RFX8: variants seen among roughly 807,000 people sequenced by gnomAD.
The protein encoded by RFX8 is DNA-binding protein RFX8.
Under a neutral mutation model 54.6 loss-of-function variants are expected in RFX8, and 46 were observed. The ratio of observed to expected loss-of-function variants is 0.84; its 90% CI spans 0.67 to 1.08. The LOEUF is 1.08. RFX8 is among the 50% of genes least tolerant of loss of function. The pLI, the probability that RFX8 is intolerant of heterozygous loss-of-function variation, is 0.00. For missense variants in RFX8, 536 were observed against 562.3 expected (o/e 0.95, Z 0.47); for synonymous variants, 192 against 209.5 (o/e 0.92, Z 0.72).
At chr2:101,459,854 G>C (rs1689171802) in intron 2 of RFX8, among the ~76,000 whole-genome samples, 1 of 152,228 alleles carries the variant, frequency 6.6e-6, no homozygotes, top group South Asian at 2.1e-4. Context: ...GGAGTCCATA[G>C]AGGCAGTAGG....
chr2:101,426,542 A>T (rs779003543), intron 2 of RFX8, among the ~76,000 whole-genome samples: 1 of 152,164 alleles, frequency 6.6e-6, no homozygotes, highest in Non-Finnish European at 1.5e-5. Context: ...AAATAAATAA[A>T]TACTGCATAA....
intron 9 of RFX8, among the ~76,000 whole-genome samples, chr2:101,406,855 A>G (rs1444350571): frequency 6.6e-6 from 1 of 152,188 alleles, no homozygotes; most frequent in African/African-American, 2.4e-5. Flanking sequence ...GCTGGTCGTC[A>G]TGCTTGCTGT....
Position 101,417,628 on chromosome 2 carries a change from C to T in RFX8, c.408G>A (p.Leu136=), listed in dbSNP as rs1187034051. The T allele has an allele frequency of 1.3e-6, 2 of 1,551,158 alleles. No homozygotes were observed. The highest frequency in any genetic ancestry group is 2.7e-5 in the African/African-American group (2 of 73,036). ...TCTTACTAAATAACTGCACAGATTT[C>T]AGGTACTGAATAGAAACATCTTCCA... ...DFLEDVSIQY[L]KSVQLFSKKF... The change falls in exon 6 of 12, where the codon CTG becomes CTA. Residue 136 remains leucine (L), a synonymous_variant. Coordinates refer to ENST00000428343, the MANE Select transcript of RFX8 (RefSeq NM_001145664.2).
intron 2 of RFX8, among the ~76,000 whole-genome samples, chr2:101,437,970 T>C (rs1687876058): frequency 6.6e-6 from 1 of 152,218 alleles, no homozygotes; most frequent in African/African-American, 2.4e-5. Flanking sequence ...CTTTTTGGGA[T>C]TGGAGTTTTT....
At chr2:101,442,853 C>T (rs1361330514) in intron 2 of RFX8, among the ~76,000 whole-genome samples, 3 of 152,042 alleles carry the variant, frequency 2.0e-5, no homozygotes, top group Non-Finnish European at 2.9e-5. Flanking sequence ...CCTACTGATG[C>T]TCCTGGCGGC....
chr2:101,462,727 T>C (rs1030175946), intron 2 of RFX8, among the ~76,000 whole-genome samples: 3 of 152,184 alleles, frequency 2.0e-5, no homozygotes, highest in Non-Finnish European at 4.4e-5. Flanking sequence ...AACAAGATGG[T>C]TATCTTACCC....
chr2:101,428,618 G>C (rs970246102), intron 2 of RFX8, among the ~76,000 whole-genome samples: 3 of 152,162 alleles, frequency 2.0e-5, no homozygotes, highest in Non-Finnish European at 4.4e-5. Flanking sequence ...CATAGTTCTG[G>C]TGTCCTAATT....
chr2:101,407,831 A>G lies in RFX8; in HGVS notation c.814-1774T>C, dbSNP rs181434221. On this transcript the variant is annotated intron_variant, in intron 9 of 11. Transcript: ENST00000428343. ...TGAGCTTTCTTCCCGTCACGTCCAC[A>G]GTGTGGCACTTCATGTCCCCCAACG... 9.7e-3 allele frequency among the ~76,000 whole-genome samples: 1,483 copies of G among 152,318 alleles called. 26 individuals carry two copies. The highest frequency in any genetic ancestry group is 0.033 in the African/African-American group (1,392 of 41,566).
intron 2 of RFX8, 94 bp downstream of exon 2, chr2:101,466,683 A>G (rs1248504742): frequency 4.4e-6 from 4 of 913,696 alleles, no homozygotes; most frequent in African/African-American, 3.3e-5. Context: ...CTGAAAATCC[A>G]TTAGACTCAA....
In RFX8 at chr2:101,402,478, G is replaced by A. The variant is rs370970266; in HGVS notation, c.1203C>T (p.Leu401=). ...RYPVGVSNMV[L]RILGFLVDTA... ...TGTCCACCAGGAAGCCCAGGATCCTGAGGACCATGTTGCTCACACCCACGG... is the reference window on the plus strand; with the variant it reads ...TGTCCACCAGGAAGCCCAGGATCCTAAGGACCATGTTGCTCACACCCACGG... The change falls in exon 11 of 12, where the codon CTC becomes CTT. Residue 401 remains leucine, a synonymous_variant. Transcript: ENST00000428343. 1.3e-6 allele frequency: 2 copies of A among 1,551,362 alleles called. No homozygotes were observed. Among genetic ancestry groups the A allele is most frequent in the African/African-American group, 2.7e-5 (2 of 73,044 alleles).
At chr2:101,460,365 C>T (rs11123885) in intron 2 of RFX8, among the ~76,000 whole-genome samples, 45,506 of 151,996 alleles carry the variant, frequency 0.3, 7,214 homozygotes, top group Middle Eastern at 0.37. Flanking sequence ...TGTTCCTATT[C>T]GGCCATCTTG....
intron 2 of RFX8, among the ~76,000 whole-genome samples, chr2:101,451,465 A>C (rs1688674978): frequency 6.6e-6 from 1 of 152,106 alleles, no homozygotes; most frequent in South Asian, 2.1e-4. Context: ...AGACGGGTGG[A>C]TCATCTGAGG....
intron 2 of RFX8, among the ~76,000 whole-genome samples, chr2:101,437,230 A>G (rs111932687): frequency 0.029 from 4,421 of 152,294 alleles, 81 homozygotes; most frequent in African/African-American, 0.047. Context: ...ACTTAAGCCC[A>G]GGAGTTGCCC....
chr2:101,445,692 A>G (rs1688338004), intron 2 of RFX8, among the ~76,000 whole-genome samples: 1 of 152,000 alleles, frequency 6.6e-6, no homozygotes, highest in Admixed American at 6.6e-5. Flanking sequence ...GGCCTCCCAA[A>G]GTGCTGGGAT....
At chr2:101,440,987 GAC>G (rs1388106132) in intron 2 of RFX8, among the ~76,000 whole-genome samples, 3 of 14,036 alleles carry the variant, frequency 2.1e-4, no homozygotes, top group African/African-American at 5.1e-4. Flanking sequence ...TTTTTTTTGA[GAC>G]AGAGTCTTGC....
intron 2 of RFX8, among the ~76,000 whole-genome samples, chr2:101,456,148 T>C: frequency 6.6e-6 from 1 of 152,230 alleles, no homozygotes; most frequent in Non-Finnish European, 1.5e-5. Context: ...TACAATCATG[T>C]CATCTGCAAA....
chr2:101,450,999 C>G lies in RFX8; in HGVS notation c.72+15778G>C, dbSNP rs528274266. ...CCCTGCCCTGTGCCCTCAACCACTG[C>G]CCCCCGACCCCCCAGCACCCATTAA... On this transcript the variant is annotated intron_variant, in intron 2 of 11. Transcript: ENST00000428343. 3.9e-5 allele frequency among the ~76,000 whole-genome samples: 6 copies of G among 152,010 alleles called. No individual in the cohort carries two copies. In the South Asian group the frequency reaches 1.0e-3, roughly 26 times the overall value.
At position 101,397,605 on chromosome 2, in the gene RFX8, T is replaced by C. The variant is rs1685198523; in HGVS notation, c.1365A>G (p.Ser455=). 6.4e-7 allele frequency: 1 copy of C among 1,551,074 alleles called. No homozygotes were observed. Among genetic ancestry groups the C allele is most frequent in the Non-Finnish European group, 8.7e-7 (1 of 1,146,588 alleles). The part of the protein sequence containing the change: ...KDGQQFVIQI[S]DVPQSSEDIY... ...TATCTTCAGAGCTTTGGGGTACATC[T>C]GATATCTGAATCACAAATTGTTGTC... The change falls in exon 12 of 12, where the codon TCA becomes TCG. Residue 455 remains serine (S), a synonymous_variant. Transcript: ENST00000428343.
intron 2 of RFX8, among the ~76,000 whole-genome samples, chr2:101,432,687 G>A (rs1687556804): frequency 6.6e-6 from 1 of 152,146 alleles, no homozygotes; most frequent in African/African-American, 2.4e-5. Flanking sequence ...ACATTTATCA[G>A]GCTGTGATCA....
Sources: gnomAD v4.1 joint callset for allele counts (sites outside exome capture counted in the v4.1 genomes callset) on GRCh38, gnomAD v4.1.1 for gene constraint, MANE v1.5 for transcripts, NCBI Gene and HGNC (gene_info 2026-07-23, HGNC 2026-07-21) for gene names.